The following LINGO2 variants were observed in gnomAD, a reference collection of about 807,000 sequenced individuals.
LINGO2 encodes the protein leucine-rich repeat and immunoglobulin-like domain-containing nogo receptor-interacting protein 2.
A neutral mutation model predicts 30.6 loss-of-function variants in LINGO2; 14 were observed. The ratio of observed to expected loss-of-function variants is 0.46; its 90% CI spans 0.30 to 0.72. The LOEUF is 0.72. Among genes scored for constraint, LINGO2 ranks in the 30% least tolerant of loss-of-function variants. The pLI, the probability that LINGO2 is intolerant of heterozygous loss-of-function variation, is 0.07. For synonymous variants in LINGO2, 317 were observed against 288.5 expected, an observed-to-expected ratio of 1.10 and a Z score of -1.00; for missense variants, 729 against 751.7, an observed-to-expected ratio of 0.97 and a Z score of 0.35.
chr9:28,267,952 T>C (rs544654653), intron 4 of LINGO2, among the ~76,000 whole-genome samples: 23 of 152,134 alleles, frequency 1.5e-4, no homozygotes, highest in South Asian at 6.2e-4. Flanking sequence ...GGGATTTTAA[T>C]TGGTATCGAT....
At chr9:28,403,578 T>A (rs1039598317) in intron 2 of LINGO2, among the ~76,000 whole-genome samples, 5 of 152,140 alleles carry the variant, frequency 3.3e-5, no homozygotes, top group African/African-American at 9.7e-5. Flanking sequence ...TCTAAACTTA[T>A]CGAGGCCCTA....
the LINGO2 span, among the ~76,000 whole-genome samples, chr9:28,761,926 T>C: frequency 6.6e-6 from 1 of 152,014 alleles, no homozygotes; most frequent in Non-Finnish European, 1.5e-5. Context: ...TGAGGTTTCA[T>C]TCTATCTTTG....
intron 4 of LINGO2, among the ~76,000 whole-genome samples, chr9:28,040,537 C>A (rs1176502831): frequency 4.6e-5 from 6 of 129,476 alleles, no homozygotes; most frequent in Non-Finnish European, 1.6e-5. Context: ...GTTTCTTTAT[C>A]TGAATTATGA....
At chr9:28,868,697 T>G in the LINGO2 span, among the ~76,000 whole-genome samples, 1 of 152,146 alleles carries the variant, frequency 6.6e-6, no homozygotes, top group South Asian at 2.1e-4. Context: ...TTATTATTTC[T>G]CTCATTAATG....
chr9:28,660,911 T>A (rs923670736), intron 1 of LINGO2, among the ~76,000 whole-genome samples: 2 of 152,166 alleles, frequency 1.3e-5, no homozygotes, highest in East Asian at 1.9e-4. Context: ...CTTTGATTGA[T>A]GAACCAGACT....
intron 2 of LINGO2, among the ~76,000 whole-genome samples, chr9:28,431,054 G>C (rs1823654617): frequency 9.2e-6 from 1 of 108,960 alleles, no homozygotes; most frequent in Non-Finnish European, 2.3e-5. Flanking sequence ...GAGAGAGAGA[G>C]AGAGAGAGAG....
At chr9:28,783,716 G>A in the LINGO2 span, among the ~76,000 whole-genome samples, 1 of 152,174 alleles carries the variant, frequency 6.6e-6, no homozygotes, top group Admixed American at 6.5e-5. Context: ...TCCAAATAGA[G>A]GGAACTAGAT....
At chr9:28,963,352 AAAGAT>A in the LINGO2 span, among the ~76,000 whole-genome samples, 1 of 151,974 alleles carries the variant, frequency 6.6e-6, no homozygotes, top group Non-Finnish European at 1.5e-5. Flanking sequence ...GAAGATAAGA[AAAGAT>A]AAGTTTCCTA....
chr9:28,407,695 A>G (rs1028790874), intron 2 of LINGO2, among the ~76,000 whole-genome samples: 1 of 152,126 alleles, frequency 6.6e-6, no homozygotes. Context: ...AAGCGGGGAG[A>G]AGGAGAGAAT....
At chr9:28,668,756 G>T (rs938263436) in intron 1 of LINGO2, among the ~76,000 whole-genome samples, 2 of 152,102 alleles carry the variant, frequency 1.3e-5, no homozygotes, top group African/African-American at 4.8e-5. Context: ...ACATTTCACT[G>T]TGTCTTGAAA....
At chr9:29,096,179 G>A in the LINGO2 span, among the ~76,000 whole-genome samples, 2 of 139,138 alleles carry the variant, frequency 1.4e-5, no homozygotes, top group African/African-American at 5.4e-5. Flanking sequence ...TTGGAAGACA[G>A]GAGGAGTCTG....
intron 3 of LINGO2, among the ~76,000 whole-genome samples, chr9:28,346,318 G>T (rs953666800): frequency 2.0e-5 from 3 of 152,104 alleles, no homozygotes; most frequent in Admixed American, 2.0e-4. Context: ...TCCCGCATTG[G>T]TTTGCTAAGG....
At chr9:28,934,683 T>TA in the LINGO2 span, among the ~76,000 whole-genome samples, 1 of 140,480 alleles carries the variant, frequency 7.1e-6, no homozygotes, top group African/African-American at 2.6e-5. Context: ...AAAAAAGGGA[T>TA]AAAAAAGTTA....
At chr9:28,754,557 T>C in the LINGO2 span, among the ~76,000 whole-genome samples, 37 of 152,120 alleles carry the variant, frequency 2.4e-4, no homozygotes, top group African/African-American at 6.8e-4. Context: ...ATGATTATCA[T>C]TGCAAAGTTT....
At chr9:28,870,703 C>A in the LINGO2 span, among the ~76,000 whole-genome samples, 1 of 149,216 alleles carries the variant, frequency 6.7e-6, no homozygotes, top group South Asian at 2.1e-4. Context: ...TAAGTAAAAG[C>A]ATAAAAAGAA....
the LINGO2 span, among the ~76,000 whole-genome samples, chr9:28,769,518 ATTTTTTTTTTT>A: frequency 0.019 from 76 of 4,050 alleles, 4 homozygotes; most frequent in East Asian, 0.062. Context: ...ATATATATAT[ATTTTTTTTTTT>A]TTTTTTTTTT....
chr9:29,039,033 G>A, the LINGO2 span, among the ~76,000 whole-genome samples: 1 of 152,122 alleles, frequency 6.6e-6, no homozygotes, highest in Admixed American at 6.6e-5. Flanking sequence ...CTAATTGAGT[G>A]TATTATAGAC....
rs530402725 is a variant in LINGO2 at position 28,147,483 on chromosome 9, G to A, written c.-86-135078C>T. On this transcript the variant is annotated intron_variant, in intron 4 of 5. Coordinates refer to ENST00000379992, the Ensembl canonical transcript of LINGO2. The surrounding 1 kb of genome is among the most constrained non-coding windows in gnomAD (Gnocchi z 4.7). ...AGGCCACGGCAGCCATGGAGAAGGCGGGCCTGGCTCCAGGCAGCACAGAGG... is the reference window on the plus strand; with the variant it reads ...AGGCCACGGCAGCCATGGAGAAGGCAGGCCTGGCTCCAGGCAGCACAGAGG... Among the ~76,000 whole-genome samples, 52 of 152,318 alleles carry A rather than the reference G, an allele frequency of 3.4e-4. 1 individual carries two copies. In the East Asian group the frequency reaches 8.5e-3, roughly 25 times the overall value.
chr9:27,956,062 C>A (rs1352560532), intron 5 of LINGO2, among the ~76,000 whole-genome samples: 1 of 123,924 alleles, frequency 8.1e-6, no homozygotes, highest in East Asian at 2.5e-4. Flanking sequence ...GCCTCAGCCT[C>A]CTGAGTAGCT....
Sources: gnomAD v4.1 joint callset for allele counts (sites outside exome capture counted in the v4.1 genomes callset) on GRCh38, gnomAD v4.1.1 for gene constraint, Gnocchi (gnomAD v3.1) non-coding constraint, MANE v1.5 for transcripts, NCBI Gene and HGNC (gene_info 2026-07-23, HGNC 2026-07-21) for gene names.